PDE3A: variants seen among roughly 807,000 people sequenced by gnomAD.
PDE3A encodes the protein phosphodiesterase 3A, also known as cGMP-inhibited 3',5'-cyclic phosphodiesterase 3A.
In PDE3A, 43 loss-of-function variants were observed where a neutral mutation model predicts 98.3. The observed-to-expected ratio is 0.44, with a 90% CI of 0.34 to 0.56. The LOEUF is 0.56. Ranked by LOEUF, PDE3A falls within the 20% of genes least tolerant of loss-of-function variation. The pLI, the probability that PDE3A is intolerant of heterozygous loss-of-function variation, is 0.01. For synonymous variants in PDE3A, 663 were observed against 567.9 expected, an observed-to-expected ratio of 1.17 and a Z score of -2.38; for missense variants, 1,427 against 1,440.7, an observed-to-expected ratio of 0.99 and a Z score of 0.15.
rs1364709680 is a variant in PDE3A at position 20,630,023 on chromosome 12, C to CACA, written c.1659_1661dup (p.Thr554dup). On this transcript the variant is annotated inframe_insertion, in exon 6 of 16. Transcript: ENST00000359062. Reference sequence around the variant, plus strand: ...CAGTGCAGTTTCCAGAATCTGCTGACACAACTGCCAAACAAAGCCTAGGTT... The same window carrying CACA: ...CAGTGCAGTTTCCAGAATCTGCTGACACAACAACTGCCAAACAAAGCCTAGGTT... 5 of 1,613,782 alleles carry CACA rather than the reference C, an allele frequency of 3.1e-6. No homozygotes were observed. Among genetic ancestry groups the CACA allele is most frequent in the Admixed American group, 3.3e-5 (2 of 59,966 alleles).
rs531957597 is a variant in PDE3A at position 20,409,945 on chromosome 12, G to A, written c.960+39701G>A. Among the ~76,000 whole-genome samples the A allele has an allele frequency of 1.2e-3, 187 of 152,236 alleles. 2 individuals carry two copies. The highest frequency in any genetic ancestry group is 4.5e-3 in the African/African-American group (186 of 41,558). ...AATAATATAAATGGATTATCTCATA[G>A]ACAAATGTTTTAAAATAAAATATTG... On this transcript the variant is annotated intron_variant, in intron 1 of 15. Transcript: ENST00000359062.
At chr12:20,645,045 C>T (rs1014260587) in intron 10 of PDE3A, among the ~76,000 whole-genome samples, 8 of 151,922 alleles carry the variant, frequency 5.3e-5, no homozygotes, top group Non-Finnish European at 7.4e-5. Context: ...CCCACCACCA[C>T]GCTCGGCTAA....
chr12:20,471,578 C>T (rs1481642685), intron 1 of PDE3A, among the ~76,000 whole-genome samples: 1 of 152,126 alleles, frequency 6.6e-6, no homozygotes, highest in Non-Finnish European at 1.5e-5. Flanking sequence ...ATTTTCTGAA[C>T]AGCAAATCCA....
intron 1 of PDE3A, among the ~76,000 whole-genome samples, chr12:20,385,161 G>A (rs972628866): frequency 2.0e-5 from 3 of 151,888 alleles, no homozygotes; most frequent in East Asian, 1.9e-4. Flanking sequence ...GTGTAAACGC[G>A]TTGTTATTTC....
chr12:20,379,700 T>C (rs551643136), intron 1 of PDE3A, among the ~76,000 whole-genome samples: 6 of 151,906 alleles, frequency 3.9e-5, no homozygotes, highest in African/African-American at 1.4e-4. Context: ...AGTGACTAAG[T>C]TGATTTAAGG....
At position 20,530,593 on chromosome 12, in the gene PDE3A, G is replaced by A. The variant is rs1025108323; in HGVS notation, c.961-26067G>A. 2.0e-5 allele frequency among the ~76,000 whole-genome samples: 3 copies of A among 151,096 alleles called. No individual in the cohort carries two copies. The South Asian group carries it at 6.3e-4, about 32-fold the overall frequency. On this transcript the variant is annotated intron_variant, in intron 1 of 15. Transcript: ENST00000359062. ...CCCACTCTTAGCTCAGCCACACTCTGCGTAGCTGGAACTATAGGTGTATGC... is the reference window on the plus strand; with the variant it reads ...CCCACTCTTAGCTCAGCCACACTCTACGTAGCTGGAACTATAGGTGTATGC...
intron 15 of PDE3A, among the ~76,000 whole-genome samples, chr12:20,669,305 T>C (rs1945405908): frequency 6.6e-6 from 1 of 152,076 alleles, no homozygotes. Flanking sequence ...ACTTCCCCAA[T>C]CTAGCAAGGC....
Position 20,370,409 on chromosome 12 carries a change from G to T in PDE3A, c.960+165G>T, listed in dbSNP as rs11045193. 28,177 of 296,368 alleles carry T rather than the reference G, an allele frequency of 0.095. 579 individuals carry two copies. The highest frequency in any genetic ancestry group is 0.2 in the East Asian group (4,185 of 21,292). 18.4% of individuals were successfully genotyped at this position (296,368 alleles called of 1,614,324 possible). On this transcript the variant is annotated intron_variant, in intron 1 of 15. Coordinates refer to ENST00000359062, the MANE Select transcript of PDE3A (RefSeq NM_000921.5). Reference sequence around the variant, plus strand: ...AGCAGGTTTTTTTTTTGTTTTTTTTGTTTTTTTTTTTTTGTTTTTTTGCCC... The same window carrying T: ...AGCAGGTTTTTTTTTTGTTTTTTTTTTTTTTTTTTTTTTGTTTTTTTGCCC...
At chr12:20,431,352 T>C (rs540856619) in intron 1 of PDE3A, among the ~76,000 whole-genome samples, 1 of 152,322 alleles carries the variant, frequency 6.6e-6, no homozygotes, top group South Asian at 2.1e-4. Context: ...CGGCCATGTA[T>C]GTTCATGAGG....
chr12:20,401,785 G>C (rs973727896), intron 1 of PDE3A, among the ~76,000 whole-genome samples: 6 of 152,104 alleles, frequency 3.9e-5, no homozygotes, highest in African/African-American at 1.4e-4. Flanking sequence ...GTGAGGGTGA[G>C]TTCCTTGAGG....
chr12:20,565,802 AT>A (rs1942641250), intron 2 of PDE3A, among the ~76,000 whole-genome samples: 1 of 151,954 alleles, frequency 6.6e-6, no homozygotes, highest in African/African-American at 2.4e-5. Context: ...GGCTATATGT[AT>A]AAATATGTGT....
chr12:20,412,475 A>C (rs1356657327), intron 1 of PDE3A, among the ~76,000 whole-genome samples: 1 of 152,146 alleles, frequency 6.6e-6, no homozygotes, highest in African/African-American at 2.4e-5. Flanking sequence ...TTTGTCTAGC[A>C]TTATCCCAAC....
At chr12:20,547,340 TATA>T (rs1022849847) in intron 1 of PDE3A, among the ~76,000 whole-genome samples, 1 of 152,152 alleles carries the variant, frequency 6.6e-6, no homozygotes, top group African/African-American at 2.4e-5. Context: ...TTCACTAAAA[TATA>T]ATAGCCAGGA....
rs1289870600 is a variant in PDE3A at position 20,662,825 on chromosome 12, G to A, written c.3184+8620G>A. Among the ~76,000 whole-genome samples, 3 of 152,222 alleles carry A rather than the reference G, an allele frequency of 2.0e-5. No individual in the cohort carries two copies. The East Asian group carries it at 5.8e-4, about 29-fold the overall frequency. On this transcript the variant is annotated intron_variant, in intron 15 of 15. Transcript: ENST00000359062. ...ATTTTTTGAGGAGAAACTCAAGTGG[G>A]CTGCAGAAAATTTGCATAAGTAACA...
intron 1 of PDE3A, among the ~76,000 whole-genome samples, chr12:20,412,559 C>A (rs959220761): frequency 6.6e-6 from 1 of 152,078 alleles, no homozygotes; most frequent in African/African-American, 2.4e-5. Flanking sequence ...GACAGACAGA[C>A]AAAACCCACC....
intron 1 of PDE3A, among the ~76,000 whole-genome samples, chr12:20,551,036 A>G (rs1011119381): frequency 2.0e-5 from 3 of 150,708 alleles, no homozygotes; most frequent in African/African-American, 2.4e-5. Flanking sequence ...GTATAAATAT[A>G]TATTTGTTAT....
chr12:20,506,245 T>A (rs1382126742), intron 1 of PDE3A, among the ~76,000 whole-genome samples: 28 of 152,008 alleles, frequency 1.8e-4, no homozygotes, highest in Admixed American at 1.8e-3. Flanking sequence ...GTAACCCATG[T>A]GAAAATTAAC....
At chr12:20,375,201 C>A (rs1341984481) in intron 1 of PDE3A, among the ~76,000 whole-genome samples, 1 of 151,946 alleles carries the variant, frequency 6.6e-6, no homozygotes, top group South Asian at 2.1e-4. Context: ...CTCAGAAAGT[C>A]CAGTCTCCTA....
At position 20,661,041 on chromosome 12, in the gene PDE3A, A is replaced by T. The variant is rs529578294; in HGVS notation, c.3184+6836A>T. Among the ~76,000 whole-genome samples, 7 of 152,304 alleles carry T rather than the reference A, an allele frequency of 4.6e-5. No individual in the cohort carries two copies. In the South Asian group the frequency reaches 1.2e-3, roughly 27 times the overall value. On this transcript the variant is annotated intron_variant, in intron 15 of 15. Coordinates refer to ENST00000359062, the MANE Select transcript of PDE3A (RefSeq NM_000921.5). The stretch of plus-strand genomic sequence containing the variant: ...ACTTGTTGAATGGCTTTGACAAAAA[A>T]TGCTGATAGTGATATGAACAATGAA...
Sources: gnomAD v4.1 joint callset for allele counts (sites outside exome capture counted in the v4.1 genomes callset) on GRCh38, gnomAD v4.1.1 for gene constraint, MANE v1.5 for transcripts, NCBI Gene and HGNC (gene_info 2026-07-23, HGNC 2026-07-21) for gene names.